C1orf56: variants seen among roughly 807,000 people sequenced by gnomAD.
The protein encoded by C1orf56 is protein MENT.
Under a neutral mutation model 20.7 loss-of-function variants are expected in C1orf56, and 14 were observed. The observed-to-expected ratio is 0.68, with a 90% confidence interval of 0.45 to 1.06. C1orf56 has a LOEUF of 1.06. Among genes scored for constraint, C1orf56 ranks in the 50% least tolerant of loss-of-function variants. The pLI is 0.00. For missense variants in C1orf56, 424 were observed against 451.4 expected (o/e 0.94, Z 0.55); for synonymous variants, 187 against 194.7 (o/e 0.96, Z 0.33).
At position 151,048,285 on chromosome 1, in the gene C1orf56, T is replaced by C; in HGVS notation, c.438T>C (p.Pro146=). ...GGTTTATAGCCAATAGTCAGGAGCCTGAAATCAGGCTGACTTCAAGCCTGC... is the reference window on the plus strand; with the variant it reads ...GGTTTATAGCCAATAGTCAGGAGCCCGAAATCAGGCTGACTTCAAGCCTGC... The part of the protein sequence containing the change: ...STRFIANSQE[P]EIRLTSSLPR... The change falls in exon 1 of 2, where the codon CCT becomes CCC. Residue 146 remains proline (P), a synonymous_variant. Transcript: ENST00000368926. This position sits in a 1 kb window ranked among gnomAD's most constrained non-coding sequence, Gnocchi z 4.8. 1.9e-6 allele frequency: 3 copies of C among 1,614,180 alleles called. No individual in the cohort carries two copies. The highest frequency in any genetic ancestry group is 2.2e-5 in the East Asian group (1 of 44,866).
chr1:151,050,327 G>C (rs986248973), intron 1 of C1orf56, 111 bp from the exon 2 acceptor site: 2 of 1,003,554 alleles, frequency 2.0e-6, no homozygotes, highest in African/African-American at 1.6e-5. Flanking sequence ...GGGGTGGGCA[G>C]TAGGGTTGAG....
rs766136938 is a variant in C1orf56, at chr1:151,047,914, G to T, written c.67G>T (p.Ala23Ser). ...LLNLGPRAAGAQGLTQTPTEM... is the reference protein window; with the variant it reads ...LLNLGPRAAGSQGLTQTPTEM... ...GAATCTGGGTCCCCGGGCGGCGGGG[G>T]CCCAAGGCCTGACCCAGACTCCGAC... The change falls in exon 1 of 2, where the codon GCC becomes TCC. Residue 23 changes from alanine to serine, a missense_variant. Transcript: ENST00000368926. 1.9e-6 allele frequency: 3 copies of T among 1,610,848 alleles called. No individual in the cohort carries two copies. Among genetic ancestry groups the T allele is most frequent in the African/African-American group, 2.7e-5 (2 of 74,908 alleles).
chr1:151,050,480 G>C lies in C1orf56; in HGVS notation c.*22G>C. On this transcript the variant is annotated 3_prime_UTR_variant, in exon 2 of 2. Transcript: ENST00000368926. ...GTAATGGCCACTTCATCCACATGAG[G>C]AGATGTCAGTATCTCAACCTCTCTT... 2.5e-6 allele frequency: 4 copies of C among 1,605,384 alleles called. No homozygotes were observed. Among genetic ancestry groups the C allele is most frequent in the Non-Finnish European group, 3.4e-6 (4 of 1,176,256 alleles).
At chr1:151,049,112 G>C (rs1676122683) in intron 1 of C1orf56, among the ~76,000 whole-genome samples, 1 of 151,888 alleles carries the variant, frequency 6.6e-6, no homozygotes, top group Admixed American at 6.6e-5. Flanking sequence ...GTTAAGATTG[G>C]AAATATTTTT....
rs187769564 is a variant in C1orf56 at position 151,048,980 on chromosome 1, C to G, written c.1005+128C>G. ...TTACTGACTTACCTGGTTATTGATT[C>G]ATAACATGCATTGGTTATTCACATT... On this transcript the variant is annotated intron_variant, in intron 1 of 1. Coordinates refer to ENST00000368926, the MANE Select transcript of C1orf56 (RefSeq NM_017860.5). The surrounding 1 kb of genome is among the most constrained non-coding windows in gnomAD (Gnocchi z 4.8). The G allele has an allele frequency of 2.3e-6, 3 of 1,329,388 alleles. No individual in the cohort carries two copies. Among genetic ancestry groups the G allele is most frequent in the African/African-American group, 2.9e-5 (2 of 68,212 alleles). 82.3% of individuals were successfully genotyped at this position (1,329,388 alleles called of 1,614,324 possible).
rs1676095724 is a variant in C1orf56, at chr1:151,048,084, A to G, written c.237A>G (p.Gly79=). ...DAMADADRLA[G]PAAAELLAAT... is the part of the protein sequence containing the mutation. ...TGGCCGACGCCGACCGCCTGGCTGG[A>G]CCAGCGGCTGCCGAGCTCTTGGCCG... The change falls in exon 1 of 2, where the codon GGA becomes GGG. Residue 79 remains glycine (G), a synonymous_variant. Transcript: ENST00000368926. The surrounding 1 kb of genome is among the most constrained non-coding windows in gnomAD (Gnocchi z 4.8). The G allele has an allele frequency of 5.6e-6, 9 of 1,613,772 alleles. No homozygotes were observed. Among genetic ancestry groups the G allele is most frequent in the Non-Finnish European group, 7.6e-6 (9 of 1,179,986 alleles).
In C1orf56 at chr1:151,050,992, T is replaced by G. The variant is rs901527225; in HGVS notation, c.*534T>G. ...ATGATTACTGTGCAACTATTTTGCT[T>G]AATTTTTTATTTGAAAAAATGTATT... On this transcript the variant is annotated 3_prime_UTR_variant, in exon 2 of 2. Coordinates refer to ENST00000368926, the MANE Select transcript of C1orf56 (RefSeq NM_017860.5). 1 of 152,354 alleles carries G rather than the reference T, an allele frequency of 6.6e-6. No individual in the cohort carries two copies. Among genetic ancestry groups the G allele is most frequent in the Non-Finnish European group, 1.5e-5 (1 of 68,148 alleles). 9.4% of individuals were successfully genotyped at this position (152,354 alleles called of 1,614,324 possible). A position where few individuals can be genotyped will look rare whatever the true frequency, so the allele number is the denominator to read the frequency against.
Position 151,048,002 on chromosome 1 carries a change from C to T in C1orf56, c.155C>T (p.Ala52Val), listed in dbSNP as rs138867928. The T allele has an allele frequency of 4.7e-4, 755 of 1,614,042 alleles. 7 individuals carry two copies. The East Asian group carries it at 0.016, about 34-fold the overall frequency. ...GPMTRSYRST[A>V]RTGLPRKTRI... is the part of the protein sequence containing the mutation. ...ATGACCCGCAGCTACCGGAGCACCG[C>T]CCGGACTGGTCTTCCCCGGAAGACA... Residue 52 changes from alanine (A) to valine (V), a missense_variant, in exon 1 of 2, where the codon GCC (alanine) becomes GTC (valine). By Grantham distance (64) the Ala-to-Val change is moderately conservative. Coordinates refer to ENST00000368926, the MANE Select transcript of C1orf56 (RefSeq NM_017860.5). The surrounding 1 kb of genome is among the most constrained non-coding windows in gnomAD (Gnocchi z 4.8).
chr1:151,050,656 C>G lies in C1orf56; in HGVS notation c.*198C>G, dbSNP rs587649826. On this transcript the variant is annotated 3_prime_UTR_variant, in exon 2 of 2. Coordinates refer to ENST00000368926, the MANE Select transcript of C1orf56 (RefSeq NM_017860.5). ...CCCTAAGACTGAACTATGTAACTAGCAGCCTCTGGCTTGTTTTCTACTCCC... is the reference window on the plus strand; with the variant it reads ...CCCTAAGACTGAACTATGTAACTAGGAGCCTCTGGCTTGTTTTCTACTCCC... The G allele has an allele frequency of 8.0e-5, 37 of 464,678 alleles. No individual in the cohort carries two copies. The highest frequency in any genetic ancestry group is 7.0e-4 in the African/African-American group (35 of 50,314). The allele number at this position is 464,678 out of a possible 1,614,324, so 28.8% of individuals were successfully genotyped here.
At position 151,050,454 on chromosome 1, in the gene C1orf56, G is replaced by A. The variant is rs764509782; in HGVS notation, c.1022G>A (p.Arg341Lys). ...CTTACGCAGATAGACAGAAACCAGA[G>A]GTAATGGCCACTTCATCCACATGAG... ...TEMQPIDRNQR is the reference protein window; with the variant it reads ...TEMQPIDRNQK Residue 341 changes from arginine to lysine, a missense_variant, in exon 2 of 2, where the codon AGG becomes AAG. By Grantham distance (26) the Arg-to-Lys change is conservative. Transcript: ENST00000368926. 15 of 1,610,222 alleles carry A rather than the reference G, an allele frequency of 9.3e-6. No homozygotes were observed. In the African/African-American group the frequency reaches 9.4e-5, roughly 10 times the overall value.
chr1:151,049,273 C>T (rs1676126932), intron 1 of C1orf56, among the ~76,000 whole-genome samples: 1 of 134,290 alleles, frequency 7.4e-6, no homozygotes, highest in African/African-American at 2.6e-5. Context: ...ACCACCATGC[C>T]CGGCTAATTT....
At position 151,051,393 on chromosome 1, in the gene C1orf56, G is replaced by C. The variant is rs1318455942; in HGVS notation, c.*935G>C. 2.9e-5 allele frequency: 1 copy of C among 34,100 alleles called. No homozygotes were observed. The highest frequency in any genetic ancestry group is 1.4e-4 in the African/African-American group (1 of 7,386). 2.1% of individuals were successfully genotyped at this position (34,100 alleles called of 1,614,324 possible). A position where few individuals can be genotyped will look rare whatever the true frequency, so the allele number is the denominator to read the frequency against. On this transcript the variant is annotated 3_prime_UTR_variant, in exon 2 of 2. Coordinates refer to ENST00000368926, the MANE Select transcript of C1orf56 (RefSeq NM_017860.5). ...AATGGCAGAAAATACATGGAAATTT[G>C]AAAAAAAAAAAAAAAAAAAAAAAAA...
rs34876001 is a variant in C1orf56, at chr1:151,049,280, AT to A, written c.1005+444del. Among the ~76,000 whole-genome samples, 340 of 142,300 alleles carry A rather than the reference AT, an allele frequency of 2.4e-3. 3 individuals are homozygous for A. The highest frequency in any genetic ancestry group is 0.014 in the Middle Eastern group (4 of 280). 93.4% of individuals were successfully genotyped at this position (142,300 alleles called of 152,430 possible). A position where few individuals can be genotyped will look rare whatever the true frequency, so the allele number is the denominator to read the frequency against. Reference sequence around the variant, plus strand: ...AGGCACCCACCACCATGCCCGGCTAATTTTTTTTTTTTTTTTAGAAGAGACA... The same window carrying A: ...AGGCACCCACCACCATGCCCGGCTAATTTTTTTTTTTTTTTAGAAGAGACA... On this transcript the variant is annotated intron_variant, in intron 1 of 1. Coordinates refer to ENST00000368926, the MANE Select transcript of C1orf56 (RefSeq NM_017860.5).
rs765879046 is a variant in C1orf56 at position 151,050,391 on chromosome 1, G to A, written c.1006-47G>A. The A allele has an allele frequency of 2.2e-5, 35 of 1,581,282 alleles. No individual in the cohort carries two copies. The Admixed American group carries it at 5.6e-4, about 25-fold the overall frequency. On this transcript the variant is annotated intron_variant, in intron 1 of 1. Coordinates refer to ENST00000368926, the MANE Select transcript of C1orf56 (RefSeq NM_017860.5). ...GAAGCAAGGAAGGGAAAAGAATATAGATGTGGTTGTAATTTCCCTTTTTCT... is the reference window on the plus strand; with the variant it reads ...GAAGCAAGGAAGGGAAAAGAATATAAATGTGGTTGTAATTTCCCTTTTTCT...
chr1:151,048,365 G>A lies in C1orf56; in HGVS notation c.518G>A (p.Ser173Asn). 2.5e-6 allele frequency: 4 copies of A among 1,613,526 alleles called. 1 individual carries two copies. The highest frequency in any genetic ancestry group is 2.2e-5 in the South Asian group (2 of 91,088). Reference protein sequence around the residue: ...EDLPGSQATLSQWSTPGSTPS... With the variant: ...EDLPGSQATLNQWSTPGSTPS... ...CTGCCAGGCTCGCAGGCCACCCTGAGCCAGTGGTCCACACCTGGGTCTACC... is the reference window on the plus strand; with the variant it reads ...CTGCCAGGCTCGCAGGCCACCCTGAACCAGTGGTCCACACCTGGGTCTACC... The change falls in exon 1 of 2, where the codon AGC (serine) becomes AAC (asparagine). Residue 173 changes from serine to asparagine, a missense_variant. Transcript: ENST00000368926. The surrounding 1 kb of genome is among the most constrained non-coding windows in gnomAD (Gnocchi z 4.8).
At position 151,048,123 on chromosome 1, in the gene C1orf56, C is replaced by A. The variant is rs767194970; in HGVS notation, c.276C>A (p.Thr92=). The change falls in exon 1 of 2, where the codon ACC becomes ACA. Residue 92 remains threonine (T), a synonymous_variant. Transcript: ENST00000368926. This position sits in a 1 kb window ranked among gnomAD's most constrained non-coding sequence, Gnocchi z 4.8. ...AAELLAATVS[T]GFSRSSAINE... ...AGCTCTTGGCCGCCACGGTGTCCACCGGCTTTAGCCGGTCGTCCGCCATTA... is the reference window on the plus strand; with the variant it reads ...AGCTCTTGGCCGCCACGGTGTCCACAGGCTTTAGCCGGTCGTCCGCCATTA... 1.2e-6 allele frequency: 2 copies of A among 1,613,370 alleles called. No individual in the cohort carries two copies. The highest frequency in any genetic ancestry group is 1.7e-6 in the Non-Finnish European group (2 of 1,179,976).
chr1:151,049,003 A>G (rs1676121528), intron 1 of C1orf56, 151 bp downstream of exon 1: 1 of 1,198,378 alleles, frequency 8.3e-7, no homozygotes, highest in African/African-American at 1.5e-5. Flanking sequence ...GGTTATTCAC[A>G]TTGTTAGCCA....
chr1:151,050,778 T>C lies in C1orf56; in HGVS notation c.*320T>C. On this transcript the variant is annotated 3_prime_UTR_variant, in exon 2 of 2. Coordinates refer to ENST00000368926, the MANE Select transcript of C1orf56 (RefSeq NM_017860.5). ...TTTTACAGGCTTGAAAAATCTCAAA[T>C]AAACGCTAAGAAAAGGGAGTAGGAA... 3.9e-6 allele frequency: 1 copy of C among 255,814 alleles called. No homozygotes were observed. The highest frequency in any genetic ancestry group is 7.4e-6 in the Non-Finnish European group (1 of 135,520). The allele number at this position is 255,814 out of a possible 1,614,324, so 15.8% of individuals were successfully genotyped here.
rs146172567 is a variant in C1orf56 at position 151,050,460 on chromosome 1, G to A, written c.*2G>A. 80 of 1,609,214 alleles carry A rather than the reference G, an allele frequency of 5.0e-5. No homozygotes were observed. The African/African-American group carries it at 6.7e-4, about 13-fold the overall frequency. ...CAGATAGACAGAAACCAGAGGTAAT[G>A]GCCACTTCATCCACATGAGGAGATG... On this transcript the variant is annotated 3_prime_UTR_variant, in exon 2 of 2. Coordinates refer to ENST00000368926, the MANE Select transcript of C1orf56 (RefSeq NM_017860.5).
Sources: allele counts gnomAD v4.1 joint callset (sites outside exome capture counted in the v4.1 genomes callset), GRCh38; gene constraint gnomAD v4.1.1; non-coding constraint Gnocchi (gnomAD v3.1); transcripts MANE v1.5; gene names NCBI Gene and HGNC (gene_info 2026-07-23, HGNC 2026-07-21).